Variants in STK33 observed in about 807,000 individuals in gnomAD.
STK33 encodes serine/threonine kinase 33, also known as serine/threonine-protein kinase 33.
STK33 carries 52 observed loss-of-function variants against 58.0 expected under a neutral mutation model. That is an observed-to-expected ratio of 0.90 (90% CI 0.72 to 1.13). The LOEUF (loss-of-function observed/expected upper bound fraction) is 1.13. Ranked by LOEUF, STK33 falls within the 50% of genes most tolerant of loss-of-function variation. The probability of loss-of-function intolerance (pLI) is 0.00; values close to 1 mark genes in which losing one functional copy is unlikely to be tolerated. For missense variants in STK33, 630 were observed against 604.2 expected (o/e 1.04, Z -0.45); for synonymous variants, 215 against 200.1 (o/e 1.07, Z -0.63).
At chr11:8,394,651 T>C (rs1849039263) in intron 15 of STK33, among the ~76,000 whole-genome samples, 1 of 152,214 alleles carries the variant, frequency 6.6e-6, no homozygotes, top group Non-Finnish European at 1.5e-5. Context: ...GTGAACAGAA[T>C]TATTGATGTA....
At chr11:8,582,066 T>C (rs1302131525) in intron 1 of STK33, among the ~76,000 whole-genome samples, 17 of 152,240 alleles carry the variant, frequency 1.1e-4, no homozygotes. Flanking sequence ...TGAATGTCCA[T>C]ACTATTTTAT....
intron 15 of STK33, among the ~76,000 whole-genome samples, chr11:8,393,126 A>G (rs1327594516): frequency 2.0e-5 from 3 of 152,200 alleles, no homozygotes; most frequent in African/African-American, 4.8e-5. Context: ...AGTGCTACAT[A>G]AGGCCCACAC....
At chr11:8,460,477 C>A (rs1947379155) in intron 8 of STK33, among the ~76,000 whole-genome samples, 1 of 151,696 alleles carries the variant, frequency 6.6e-6, no homozygotes, top group Non-Finnish European at 1.5e-5. Flanking sequence ...TTGAAGACAA[C>A]AACAGAAACT....
At chr11:8,400,124 C>T (rs1431299814) in intron 15 of STK33, among the ~76,000 whole-genome samples, 1 of 152,128 alleles carries the variant, frequency 6.6e-6, no homozygotes, top group East Asian at 1.9e-4. Context: ...TTTGATGAGG[C>T]CAGCATCATC....
chr11:8,414,779 C>T (rs908078711), intron 14 of STK33, among the ~76,000 whole-genome samples: 18 of 152,160 alleles, frequency 1.2e-4, no homozygotes, highest in African/African-American at 4.3e-4. Context: ...CCCATTACAC[C>T]TTACACTGGT....
chr11:8,337,287 T>C, the STK33 span, among the ~76,000 whole-genome samples: 515 of 152,322 alleles, frequency 3.4e-3, 8 homozygotes, highest in Non-Finnish European at 7.5e-4. Context: ...CCTATTTCTG[T>C]CTGCAGACCT....
At chr11:8,512,853 C>T (rs1031422879) in intron 1 of STK33, among the ~76,000 whole-genome samples, 2 of 152,110 alleles carry the variant, frequency 1.3e-5, no homozygotes, top group Admixed American at 6.6e-5. Flanking sequence ...TTACCTAGTT[C>T]CCTGCTCTTC....
chr11:8,556,238 C>T (rs1426105804), intron 1 of STK33, among the ~76,000 whole-genome samples: 1 of 152,104 alleles, frequency 6.6e-6, no homozygotes, highest in African/African-American at 2.4e-5. Flanking sequence ...GTAAAGATTT[C>T]TGAGCAGAAA....
At chr11:8,528,769 T>G (rs1954267604) in intron 1 of STK33, among the ~76,000 whole-genome samples, 1 of 152,256 alleles carries the variant, frequency 6.6e-6, no homozygotes, top group African/African-American at 2.4e-5. Flanking sequence ...CGGTGAATTC[T>G]GTGGTATGGC....
the STK33 span, among the ~76,000 whole-genome samples, chr11:8,360,722 C>T: frequency 6.6e-6 from 1 of 152,252 alleles, no homozygotes. Context: ...GGCTGGCACC[C>T]AGCATTGCTC....
chr11:8,512,021 G>T (rs1952369341), intron 1 of STK33, among the ~76,000 whole-genome samples: 1 of 152,138 alleles, frequency 6.6e-6, no homozygotes, highest in Admixed American at 6.5e-5. Context: ...ATGTGCAAAT[G>T]ATTCCTTCTG....
intron 15 of STK33, among the ~76,000 whole-genome samples, chr11:8,406,074 C>T (rs1392421333): frequency 6.5e-5 from 9 of 137,560 alleles, no homozygotes; most frequent in Non-Finnish European, 1.1e-4. Context: ...ACCTGGGAGG[C>T]GGAGCTTGCA....
chr11:8,375,170 T>A, the STK33 span, among the ~76,000 whole-genome samples: 2 of 152,268 alleles, frequency 1.3e-5, no homozygotes, highest in Non-Finnish European at 2.9e-5. Flanking sequence ...GTTACTCTTG[T>A]CTTTTAACTA....
At chr11:8,499,880 T>C (rs1176188965) in intron 1 of STK33, among the ~76,000 whole-genome samples, 2 of 151,150 alleles carry the variant, frequency 1.3e-5, no homozygotes, top group Admixed American at 6.6e-5. Flanking sequence ...TGAGAACACA[T>C]GGACACAGGG....
chr11:8,337,188 A>G, the STK33 span, among the ~76,000 whole-genome samples: 158 of 152,374 alleles, frequency 1.0e-3, no homozygotes, highest in Non-Finnish European at 1.6e-3. Flanking sequence ...TTGAGGCACA[A>G]GAAAGGAGAT....
intron 15 of STK33, 84 bp from the exon 16 acceptor site, chr11:8,392,794 A>T: frequency 7.1e-7 from 1 of 1,414,812 alleles, no homozygotes; most frequent in Non-Finnish European, 9.8e-7. Context: ...AAAGTTGTCC[A>T]GGATTTGCAA....
At chr11:8,356,549 G>A in the STK33 span, among the ~76,000 whole-genome samples, 1 of 152,038 alleles carries the variant, frequency 6.6e-6, no homozygotes, top group Non-Finnish European at 1.5e-5. Flanking sequence ...GGGGGCGTGG[G>A]GGGACCTTAG....
At chr11:8,349,422 C>T in the STK33 span, among the ~76,000 whole-genome samples, 2 of 152,354 alleles carry the variant, frequency 1.3e-5, no homozygotes, top group South Asian at 4.1e-4. Context: ...CTCTGGCTGG[C>T]TGCCTCTCAG....
At chr11:8,503,127 G>T (rs569764848) in intron 1 of STK33, among the ~76,000 whole-genome samples, 7 of 152,094 alleles carry the variant, frequency 4.6e-5, no homozygotes, top group Non-Finnish European at 1.0e-4. Context: ...TACACCCAAA[G>T]GAATATAAAT....
Sources: allele counts gnomAD v4.1 joint callset (sites outside exome capture counted in the v4.1 genomes callset), GRCh38; gene constraint gnomAD v4.1.1; transcripts MANE v1.5; gene names NCBI Gene and HGNC (gene_info 2026-07-23, HGNC 2026-07-21).